PHF14: variants seen among roughly 807,000 people sequenced by gnomAD.
PHF14 encodes the protein PHD finger protein 14.
In PHF14, 55 loss-of-function variants were observed where a neutral mutation model predicts 117.9. That is an observed-to-expected ratio of 0.47 (90% CI 0.38 to 0.58). The LOEUF (loss-of-function observed/expected upper bound fraction) is 0.58, where lower values mean the gene tolerates loss of function less well. Among genes scored for constraint, PHF14 ranks in the 20% least tolerant of loss-of-function variants. The pLI is 0.00. For missense variants in PHF14, 978 were observed against 1,122.2 expected, an observed-to-expected ratio of 0.87 and a Z score of 1.84; for synonymous variants, 409 against 368.6, an observed-to-expected ratio of 1.11 and a Z score of -1.26.
At chr7:11,136,883 A>T (rs2128349912) in intron 17 of PHF14, among the ~76,000 whole-genome samples, 1 of 152,346 alleles carries the variant, frequency 6.6e-6, no homozygotes, top group South Asian at 2.1e-4. Context: ...TTACTTAAAA[A>T]AAATTATGAA....
intron 17 of PHF14, among the ~76,000 whole-genome samples, chr7:11,161,238 A>G (rs1217204986): frequency 2.6e-5 from 4 of 152,142 alleles, no homozygotes; most frequent in Non-Finnish European, 5.9e-5. Context: ...GAGCAAAAAA[A>G]ATATTTTTCT....
intron 8 of PHF14, 125 bp downstream of exon 8, chr7:11,035,911 G>A: frequency 2.8e-6 from 2 of 725,672 alleles, no homozygotes; most frequent in East Asian, 2.5e-5. Context: ...CTAGGAAATG[G>A]ATTGTGATTA....
chr7:11,097,851 T>C (rs749727642), intron 16 of PHF14, among the ~76,000 whole-genome samples: 20 of 152,206 alleles, frequency 1.3e-4, no homozygotes, highest in Admixed American at 2.0e-4. Context: ...CCTTCATCTT[T>C]TCTCTAGCTC....
intron 17 of PHF14, among the ~76,000 whole-genome samples, chr7:11,164,156 T>G (rs1789131370): frequency 6.6e-6 from 1 of 152,222 alleles, no homozygotes; most frequent in African/African-American, 2.4e-5. Context: ...TCCCTTCATT[T>G]TACTGTTGTA....
chr7:11,110,130 G>C (rs980220008), intron 16 of PHF14: 40 of 151,642 alleles, frequency 2.6e-4, no homozygotes, highest in African/African-American at 9.4e-4. Flanking sequence ...TTATTATGAT[G>C]GTTTCTTAAA....
intron 2 of PHF14, among the ~76,000 whole-genome samples, chr7:10,978,931 C>T (rs183423343): frequency 1.6e-3 from 237 of 152,168 alleles, no homozygotes; most frequent in Middle Eastern, 6.8e-3. Context: ...AAGACATATA[C>T]GGTTTTGGTC....
At chr7:11,143,951 GA>G (rs566881085) in intron 17 of PHF14, among the ~76,000 whole-genome samples, 1 of 151,460 alleles carries the variant, frequency 6.6e-6, no homozygotes, top group Admixed American at 6.6e-5. Context: ...TATAAAATGG[GA>G]AAAAAAAGTA....
chr7:11,015,048 G>GT (rs1183840322), intron 5 of PHF14: 2 of 151,746 alleles, frequency 1.3e-5, no homozygotes, highest in African/African-American at 4.8e-5. Flanking sequence ...ACATAAGGAT[G>GT]TTTTAGTATT....
intron 16 of PHF14, among the ~76,000 whole-genome samples, chr7:11,088,643 C>T (rs1373052271): frequency 6.6e-6 from 1 of 151,694 alleles, no homozygotes; most frequent in African/African-American, 2.4e-5. Context: ...AATAACCCTC[C>T]TGGGAATTTA....
chr7:11,028,844 G>C (rs766693140), intron 7 of PHF14, 26 bp downstream of exon 7: 4 of 1,602,338 alleles, frequency 2.5e-6, no homozygotes, highest in Middle Eastern at 1.7e-4. Context: ...CCCATAGTTG[G>C]TGAACATGTT....
intron 5 of PHF14, among the ~76,000 whole-genome samples, chr7:11,020,570 G>A (rs1783700578): frequency 6.6e-6 from 1 of 151,886 alleles, no homozygotes; most frequent in Non-Finnish European, 1.5e-5. Flanking sequence ...GTAGCGATGG[G>A]GTTTCACCAT....
chr7:11,012,322 A>T (rs1042301056), intron 4 of PHF14, among the ~76,000 whole-genome samples: 7 of 152,180 alleles, frequency 4.6e-5, no homozygotes, highest in African/African-American at 1.7e-4. Flanking sequence ...TACCTAGGGA[A>T]TTGGTTCCAG....
At chr7:11,105,135 T>C in intron 16 of PHF14, 8 of 974,918 alleles carry the variant, frequency 8.2e-6, no homozygotes, top group Non-Finnish European at 7.3e-6. Flanking sequence ...CCTTTTGTTA[T>C]AAAAAGACTT....
intron 3 of PHF14, among the ~76,000 whole-genome samples, chr7:10,990,028 C>G (rs753969153): frequency 7.9e-5 from 12 of 152,172 alleles, no homozygotes; most frequent in Non-Finnish European, 1.6e-4. Context: ...TCTGACCCTT[C>G]TAGCAGCTAG....
rs181803298 is a variant in PHF14 at position 11,015,475 on chromosome 7, A to G, written c.1205+1569A>G. Among the ~76,000 whole-genome samples the G allele has an allele frequency of 2.7e-4, 41 of 152,254 alleles. 1 individual carries two copies. The highest frequency in any genetic ancestry group is 1.5e-3 in the East Asian group (8 of 5,178). On this transcript the variant is annotated intron_variant, in intron 5 of 17. Transcript: ENST00000634607. ...GGTCTGTATCATAGGCATAGGCATT[A>G]CTCTAAGTTGGGCCTGAGAGTGGCC...
intron 16 of PHF14, among the ~76,000 whole-genome samples, chr7:11,093,580 C>T (rs2906544): frequency 0.48 from 72,607 of 152,000 alleles, 17,972 homozygotes; most frequent in East Asian, 0.85. Context: ...CTCTGTATGC[C>T]TGTGCTACTG....
intron 17 of PHF14, among the ~76,000 whole-genome samples, chr7:11,166,179 A>G (rs772905330): frequency 2.0e-5 from 3 of 152,334 alleles, no homozygotes; most frequent in South Asian, 2.1e-4. Flanking sequence ...ACTTTCCAGT[A>G]GCCTCAAAGG....
chr7:11,105,912 T>G, intron 16 of PHF14: 2 of 984,232 alleles, frequency 2.0e-6, no homozygotes, highest in Non-Finnish European at 2.4e-6. Context: ...GATTAGAGCA[T>G]AATTAGTTAA....
chr7:11,162,636 C>CT (rs1307225800), intron 17 of PHF14, among the ~76,000 whole-genome samples: 2 of 151,502 alleles, frequency 1.3e-5, no homozygotes, highest in East Asian at 1.9e-4. Flanking sequence ...TCCTTAGGGC[C>CT]TTTTTTTCCC....
Sources: allele counts gnomAD v4.1 joint callset (sites outside exome capture counted in the v4.1 genomes callset), GRCh38; gene constraint gnomAD v4.1.1; transcripts MANE v1.5; gene names NCBI Gene and HGNC (gene_info 2026-07-23, HGNC 2026-07-21).